PAK5: variants seen among roughly 807,000 people sequenced by gnomAD.
The protein encoded by PAK5 is serine/threonine-protein kinase PAK 5.
Under a neutral mutation model 65.9 loss-of-function variants are expected in PAK5, and 16 were observed. The ratio of observed to expected loss-of-function variants is 0.24; its 90% CI spans 0.16 to 0.37. The LOEUF (loss-of-function observed/expected upper bound fraction) is 0.37. Among genes scored for constraint, PAK5 ranks in the 10% least tolerant of loss-of-function variants. The probability of loss-of-function intolerance (pLI) is 1.00; values close to 1 mark genes in which losing one functional copy is unlikely to be tolerated. For synonymous variants in PAK5, 371 were observed against 354.9 expected, an observed-to-expected ratio of 1.05 and a Z score of -0.51; for missense variants, 785 against 903.9, an observed-to-expected ratio of 0.87 and a Z score of 1.69.
chr20:9,640,129 A>G (rs1231040331), intron 3 of PAK5, among the ~76,000 whole-genome samples: 3 of 151,528 alleles, frequency 2.0e-5, no homozygotes, highest in Admixed American at 2.0e-4. Context: ...ATATATATAC[A>G]TGTGCCATGT....
At chr20:9,575,657 C>A (rs1266265807) in intron 4 of PAK5, 2 of 152,156 alleles carry the variant, frequency 1.3e-5, no homozygotes, top group Admixed American at 1.3e-4. Context: ...TTCCATCCTA[C>A]ATGATGGAAG....
chr20:9,668,642 A>T (rs1397861473), intron 2 of PAK5, among the ~76,000 whole-genome samples: 1 of 152,200 alleles, frequency 6.6e-6, no homozygotes. Flanking sequence ...AACGAGAACG[A>T]CACTTTTGCA....
chr20:9,601,731 A>G (rs2046362473), intron 3 of PAK5, among the ~76,000 whole-genome samples: 1 of 152,104 alleles, frequency 6.6e-6, no homozygotes, highest in African/African-American at 2.4e-5. Flanking sequence ...AGCAGAGGCT[A>G]TTATATATAT....
chr20:9,611,523 T>A (rs1346273514), intron 3 of PAK5, among the ~76,000 whole-genome samples: 2 of 152,130 alleles, frequency 1.3e-5, no homozygotes, highest in Non-Finnish European at 1.5e-5. Context: ...TCTTGTCACT[T>A]CTCTACAAAA....
At chr20:9,632,363 G>A (rs142049140) in intron 3 of PAK5, among the ~76,000 whole-genome samples, 1 of 152,270 alleles carries the variant, frequency 6.6e-6, no homozygotes, top group Non-Finnish European at 1.5e-5. Context: ...GGCCATAGTG[G>A]AGAAGGAATG....
At chr20:9,618,930 T>TG (rs2046719315) in intron 3 of PAK5, among the ~76,000 whole-genome samples, 1 of 108,458 alleles carries the variant, frequency 9.2e-6, no homozygotes, top group South Asian at 3.7e-4. Flanking sequence ...TTTTTTTTTT[T>TG]TTTTTTTTTT....
chr20:9,648,403 T>C (rs1376154092), intron 2 of PAK5, among the ~76,000 whole-genome samples: 1 of 151,838 alleles, frequency 6.6e-6, no homozygotes, highest in Non-Finnish European at 1.5e-5. Flanking sequence ...TTTGTACTGG[T>C]CACATAGGCA....
At chr20:9,813,133 T>A (rs2049317253) in intron 1 of PAK5, among the ~76,000 whole-genome samples, 1 of 151,772 alleles carries the variant, frequency 6.6e-6, no homozygotes, top group African/African-American at 2.4e-5. Flanking sequence ...AAAATAAGAG[T>A]ACCTTATGTA....
intron 2 of PAK5, among the ~76,000 whole-genome samples, chr20:9,648,884 T>C (rs905776143): frequency 3.3e-5 from 5 of 152,158 alleles, no homozygotes; most frequent in Non-Finnish European, 7.3e-5. Context: ...TGTCTCTCCA[T>C]AAAGGCCCTC....
chr20:9,778,634 A>C (rs2048910697), intron 1 of PAK5, among the ~76,000 whole-genome samples: 1 of 151,978 alleles, frequency 6.6e-6, no homozygotes, highest in Non-Finnish European at 1.5e-5. Flanking sequence ...TTGATAGTTC[A>C]CCCTCTCCAT....
chr20:9,665,085 G>GTTTTTCTTTTTTTTTTTTTT (rs2047397332), intron 2 of PAK5, among the ~76,000 whole-genome samples: 1 of 98,918 alleles, frequency 1.0e-5, no homozygotes. Context: ...AAATTTTTCT[G>GTTTTTCTTTTTTTTTTTTTT]TTTTTTTTTT....
rs538383655 is a variant in PAK5, at chr20:9,566,422, T to C, written c.991-38A>G. 5.1e-6 allele frequency: 8 copies of C among 1,582,230 alleles called. No individual in the cohort carries two copies. In the African/African-American group the frequency reaches 1.1e-4, roughly 21 times the overall value. On this transcript the variant is annotated intron_variant, in intron 4 of 9. Coordinates refer to ENST00000353224, the MANE Select transcript of PAK5 (RefSeq NM_177990.4). ...ACATGGATAGAGAATATTCACATGC[T>C]GGATCTGAATGCCACAGCCGAGTGG...
At chr20:9,677,783 G>A (rs75628212) in intron 2 of PAK5, among the ~76,000 whole-genome samples, 2,313 of 152,302 alleles carry the variant, frequency 0.015, 51 homozygotes, top group African/African-American at 0.051. Flanking sequence ...TTCACTCATG[G>A]AAATCACAGG....
At chr20:9,588,665 T>A (rs1361034488) in intron 3 of PAK5, among the ~76,000 whole-genome samples, 2 of 152,200 alleles carry the variant, frequency 1.3e-5, no homozygotes, top group Non-Finnish European at 2.9e-5. Context: ...GAAGAACCAC[T>A]AATTATTATT....
At chr20:9,621,484 T>C (rs1279571766) in intron 3 of PAK5, among the ~76,000 whole-genome samples, 1 of 147,562 alleles carries the variant, frequency 6.8e-6, no homozygotes, top group Non-Finnish European at 1.5e-5. Context: ...GTCTCTTACA[T>C]ATTTCCAGGA....
At chr20:9,829,244 G>A (rs1978518733) in intron 1 of PAK5, among the ~76,000 whole-genome samples, 1 of 152,320 alleles carries the variant, frequency 6.6e-6, no homozygotes, top group South Asian at 2.1e-4. Context: ...AAATCTGCAC[G>A]AACAGAAATG....
chr20:9,601,502 AAAG>A (rs1365595469), intron 3 of PAK5, among the ~76,000 whole-genome samples: 12 of 152,280 alleles, frequency 7.9e-5, no homozygotes, highest in East Asian at 5.8e-4. Flanking sequence ...TACAAATCAG[AAAG>A]AAGAAGTTAC....
At chr20:9,738,769 TATAC>T (rs2048419280) in intron 1 of PAK5, among the ~76,000 whole-genome samples, 1 of 152,200 alleles carries the variant, frequency 6.6e-6, no homozygotes, top group African/African-American at 2.4e-5. Context: ...TTCATGGTTG[TATAC>T]ATATGTCAAC....
intron 1 of PAK5, among the ~76,000 whole-genome samples, chr20:9,742,981 A>G (rs909039648): frequency 2.0e-5 from 3 of 152,190 alleles, no homozygotes. Context: ...GTCTGCCTTG[A>G]TTGCTTCAGG....
Sources: allele counts gnomAD v4.1 joint callset (sites outside exome capture counted in the v4.1 genomes callset), GRCh38; gene constraint gnomAD v4.1.1; transcripts MANE v1.5; gene names NCBI Gene and HGNC (gene_info 2026-07-23, HGNC 2026-07-21).